Variants in YY1AP1 observed in about 807,000 individuals in gnomAD.
YY1AP1 encodes YY1 associated protein 1.
In YY1AP1, 43 loss-of-function variants were observed where a neutral mutation model predicts 39.9. The ratio of observed to expected loss-of-function variants is 1.08; its 90% CI spans 0.84 to 1.39. The LOEUF (loss-of-function observed/expected upper bound fraction) is 1.39. Ranked by LOEUF, YY1AP1 falls within the 40% of genes most tolerant of loss-of-function variation. The probability of loss-of-function intolerance (pLI) is 0.00; values close to 1 mark genes in which losing one functional copy is unlikely to be tolerated. For missense variants in YY1AP1, 813 were observed against 900.7 expected (o/e 0.90, Z 1.25); for synonymous variants, 292 against 331.3 (o/e 0.88, Z 1.29).
intron 2 of YY1AP1, 68 bp downstream of exon 2, chr1:155,688,003 G>A (rs1652764687): frequency 2.0e-6 from 3 of 1,489,764 alleles, no homozygotes; most frequent in Non-Finnish European, 2.7e-6. Flanking sequence ...GTGGCTCCCA[G>A]AAAGCCCAGG....
In YY1AP1 at chr1:155,661,382, G is replaced by C. The variant is rs762085122; in HGVS notation, c.921C>G (p.Cys307Trp). 2.5e-6 allele frequency: 4 copies of C among 1,613,696 alleles called. No homozygotes were observed. In the African/African-American group the frequency reaches 5.3e-5, roughly 22 times the overall value. ...ACTGATGTGGCTGGATCTCTTCACA[G>C]CATTTTCCTAGGACTGGCAGCTGTT... ...KTKQLPVLGK[C>W]CEEIQPHQWK... Residue 307 changes from cysteine to tryptophan, a missense_variant, in exon 10 of 11, where the codon TGC becomes TGG. Around this residue, in one of 3 missense-constraint regions of YY1AP1, gnomAD observed 586 missense variants for 647.4 expected, o/e 0.91. Transcript: ENST00000355499.
At chr1:155,679,914 G>A in intron 3 of YY1AP1, 1 of 493,216 alleles carries the variant, frequency 2.0e-6, no homozygotes, top group Non-Finnish European at 3.0e-6. Context: ...GGGGCAAGAT[G>A]TGCTGGCTCA....
chr1:155,663,714 G>A (rs1450378252), intron 9 of YY1AP1, among the ~76,000 whole-genome samples: 2 of 152,006 alleles, frequency 1.3e-5, no homozygotes, highest in African/African-American at 4.8e-5. Context: ...GCGAGACTCT[G>A]TCTCAAAACA....
At chr1:155,688,361 T>C (rs1652963161) in intron 1 of YY1AP1, 160 bp from the exon 2 acceptor site, 2 of 1,547,236 alleles carry the variant, frequency 1.3e-6, no homozygotes, top group East Asian at 4.9e-5. Context: ...CGGCAGCTCC[T>C]CCAGAGGGAG....
intron 4 of YY1AP1, chr1:155,679,085 T>A (rs689085): frequency 5.0e-5 from 61 of 1,229,956 alleles, no homozygotes; most frequent in East Asian, 9.7e-5. Context: ...AGGGACAGAC[T>A]GGATATTACA....
At chr1:155,661,513 A>AG in intron 9 of YY1AP1, 90 bp from the exon 10 acceptor site, 1 of 1,579,290 alleles carries the variant, frequency 6.3e-7, no homozygotes, top group Non-Finnish European at 8.6e-7. Context: ...GTGGATCAAG[A>AG]GAAACACACA....
intron 4 of YY1AP1, among the ~76,000 whole-genome samples, chr1:155,676,988 AT>A (rs1650788585): frequency 1.3e-5 from 2 of 152,220 alleles, no homozygotes; most frequent in Non-Finnish European, 2.9e-5. Flanking sequence ...TCCAAATAAT[AT>A]ACAAATGAAG....
chr1:155,669,711 TAC>T (rs1649562230), intron 8 of YY1AP1, among the ~76,000 whole-genome samples: 2 of 152,184 alleles, frequency 1.3e-5, no homozygotes, highest in Non-Finnish European at 2.9e-5. Flanking sequence ...AGTGTGGCAA[TAC>T]ACACAAAGGG....
At position 155,659,656 on chromosome 1, in the gene YY1AP1, C is replaced by T; in HGVS notation, c.*1G>A. 1 of 1,614,148 alleles carries T rather than the reference C, an allele frequency of 6.2e-7. No individual in the cohort carries two copies. Among genetic ancestry groups the T allele is most frequent in the Non-Finnish European group, 8.5e-7 (1 of 1,180,010 alleles). On this transcript the variant is annotated 3_prime_UTR_variant, in exon 11 of 11. Coordinates refer to ENST00000355499, the MANE Select transcript of YY1AP1 (RefSeq NM_139119.3). ...AGTCTCCAGACTCTTATTCTCCTAG[C>T]TCAAAGAAATCCACTGATTTCCTCT...
chr1:155,671,430 T>TAA (rs796876942), intron 7 of YY1AP1, among the ~76,000 whole-genome samples: 1 of 139,926 alleles, frequency 7.1e-6, no homozygotes. Flanking sequence ...GACTCCATCT[T>TAA]AAAAAAAAAA....
chr1:155,685,982 ATTCATAGAG>A (rs923954308), intron 2 of YY1AP1, among the ~76,000 whole-genome samples: 13 of 139,472 alleles, frequency 9.3e-5, no homozygotes, highest in African/African-American at 3.2e-4. Context: ...CTTACCTCAT[ATTCATAGAG>A]TTCATAGACG....
At chr1:155,688,273 C>T (rs1652898215) in intron 1 of YY1AP1, 72 bp from the exon 2 acceptor site, 16 of 1,593,186 alleles carry the variant, frequency 1.0e-5, no homozygotes, top group Non-Finnish European at 1.3e-5. Flanking sequence ...AGGCGGATCC[C>T]GCAACCGACA....
At chr1:155,667,890 G>A (rs1219597916) in intron 9 of YY1AP1, among the ~76,000 whole-genome samples, 2 of 151,728 alleles carry the variant, frequency 1.3e-5, no homozygotes, top group Non-Finnish European at 2.9e-5. Flanking sequence ...CGACAAGAGC[G>A]AAACTCCATC....
At position 155,660,433 on chromosome 1, in the gene YY1AP1, T is replaced by C; in HGVS notation, c.1477A>G (p.Ser493Gly). 1 of 1,614,092 alleles carries C rather than the reference T, an allele frequency of 6.2e-7. No homozygotes were observed. Among genetic ancestry groups the C allele is most frequent in the Non-Finnish European group, 8.5e-7 (1 of 1,180,026 alleles). ...GTCTGGGACTCAGACAGAGGGAAGC[T>C]TGTCCTGGCCTCAGGGGGCATAGCA... ...LPAMPPEART[S>G]FPLSESQTLL... The change falls in exon 11 of 11, where the codon AGC (serine) becomes GGC (glycine). Residue 493 changes from serine to glycine, a missense_variant. Ser to Gly is a moderately conservative substitution (Grantham distance 56). Around this residue, in one of 3 missense-constraint regions of YY1AP1, gnomAD observed 586 missense variants for 647.4 expected, o/e 0.91. Transcript: ENST00000355499.
At position 155,668,560 on chromosome 1, in the gene YY1AP1, A is replaced by G. The variant is rs1177568801; in HGVS notation, c.879+67T>C. 3 of 1,611,800 alleles carry G rather than the reference A, an allele frequency of 1.9e-6. No homozygotes were observed. The African/African-American group carries it at 4.0e-5, about 22-fold the overall frequency. On this transcript the variant is annotated intron_variant, in intron 9 of 10. Transcript: ENST00000355499. ...AAGAAGGTTCTTCTTTTCTTTGAGA[A>G]TAACAAGAGAAAAGAACAGATATGT...
chr1:155,666,039 G>A (rs1571322745), intron 9 of YY1AP1, among the ~76,000 whole-genome samples: 1 of 152,076 alleles, frequency 6.6e-6, no homozygotes. Flanking sequence ...GAAAGAAGAT[G>A]ATCTGGGAAA....
At position 155,672,332 on chromosome 1, in the gene YY1AP1, C is replaced by T. The variant is rs1056012232; in HGVS notation, c.583+228G>A. On this transcript the variant is annotated intron_variant, in intron 7 of 10. Transcript: ENST00000355499. ...GCCTCAGATCTCTACCTCCCATATT[C>T]CTATACTGTCCACTGCCTCCATGCC... 114 of 639,272 alleles carry T rather than the reference C, an allele frequency of 1.8e-4. 1 individual carries two copies. The highest frequency in any genetic ancestry group is 8.5e-4 in the Middle Eastern group (2 of 2,352). The allele number at this position is 639,272 out of a possible 1,614,324, so 39.6% of individuals were successfully genotyped here.
chr1:155,684,813 T>C (rs1652000391), intron 2 of YY1AP1, among the ~76,000 whole-genome samples: 2 of 152,192 alleles, frequency 1.3e-5, no homozygotes, highest in Admixed American at 6.5e-5. Context: ...CTCGATCTTC[T>C]GAGCTCTGAC....
intron 8 of YY1AP1, among the ~76,000 whole-genome samples, chr1:155,669,486 G>A (rs188050778): frequency 1.3e-5 from 2 of 152,254 alleles, no homozygotes. Context: ...AGAGAAACTA[G>A]TCATAAATCA....
Sources: allele counts gnomAD v4.1 joint callset (sites outside exome capture counted in the v4.1 genomes callset), GRCh38; gene constraint gnomAD v4.1.1; regional missense constraint gnomAD v4.1.1; transcripts MANE v1.5; gene names NCBI Gene and HGNC (gene_info 2026-07-23, HGNC 2026-07-21).